The following SFI1 variants were observed in gnomAD, a reference collection of about 807,000 sequenced individuals.
SFI1 encodes the protein protein SFI1 homolog.
SFI1 carries 195 observed loss-of-function variants against 207.5 expected under a neutral mutation model. The observed-to-expected ratio is 0.94, with a 90% CI of 0.84 to 1.06. The LOEUF is 1.06. Ranked by LOEUF, SFI1 falls within the 50% of genes least tolerant of loss-of-function variation. SFI1 has a pLI of 0.00. For synonymous variants in SFI1, 630 were observed against 598.9 expected, an observed-to-expected ratio of 1.05 and a Z score of -0.76; for missense variants, 1,634 against 1,588.0, an observed-to-expected ratio of 1.03 and a Z score of -0.49.
intron 8 of SFI1, among the ~76,000 whole-genome samples, chr22:31,563,295 C>T (rs1247000110): frequency 1.3e-5 from 2 of 151,802 alleles, no homozygotes; most frequent in African/African-American, 2.4e-5. Flanking sequence ...GCCTGGCCTG[C>T]ATCATTATCA....
At chr22:31,559,586 A>G (rs2061479190) in intron 7 of SFI1, 1 of 649,300 alleles carries the variant, frequency 1.5e-6, no homozygotes, top group Non-Finnish European at 2.9e-6. Flanking sequence ...GCCATTAAGG[A>G]TGTGGGTTGA....
chr22:31,567,568 A>AG (rs58289794), intron 8 of SFI1, among the ~76,000 whole-genome samples: 3,657 of 142,974 alleles, frequency 0.026, 59 homozygotes, highest in Non-Finnish European at 0.035. Context: ...GTGTTTGTGG[A>AG]GGGGGGGGGT....
In SFI1 at chr22:31,530,753, A is replaced by G. The variant is rs1602225420; in HGVS notation, c.267-305A>G. ...CAGGCATTTGCCGGCCATTTTAGGCAGGAAGAATAATATGAACAAAAGAAT... is the reference window on the plus strand; with the variant it reads ...CAGGCATTTGCCGGCCATTTTAGGCGGGAAGAATAATATGAACAAAAGAAT... On this transcript the variant is annotated intron_variant, in intron 3 of 32. Transcript: ENST00000400288. 4.1e-5 allele frequency: 17 copies of G among 419,724 alleles called. No individual in the cohort carries two copies. The East Asian group carries it at 1.0e-3, about 26-fold the overall frequency. 26.0% of individuals were successfully genotyped at this position (419,724 alleles called of 1,614,324 possible). A position where few individuals can be genotyped will look rare whatever the true frequency, so the allele number is the denominator to read the frequency against.
intron 4 of SFI1, among the ~76,000 whole-genome samples, chr22:31,546,099 C>G (rs2060060877): frequency 6.6e-6 from 1 of 151,462 alleles, no homozygotes; most frequent in Non-Finnish European, 1.5e-5. Flanking sequence ...TCCACCATGT[C>G]ACCCAACCTG....
Position 31,526,361 on chromosome 22 carries a change from T to C in SFI1, c.93-2329T>C, listed in dbSNP as rs1039519827. On this transcript the variant is annotated intron_variant, in intron 2 of 32. Transcript: ENST00000400288. ...TTTCACATGGCGGCAGGAAAGAAAG[T>C]GCAGGGTGAAGTGGGGGAAAGCCCC... Among the ~76,000 whole-genome samples the C allele has an allele frequency of 1.5e-4, 23 of 152,004 alleles. 1 individual carries two copies. The highest frequency in any genetic ancestry group is 1.1e-3 in the Admixed American group (17 of 15,250).
chr22:31,570,315 G>A (rs2062822149), intron 8 of SFI1, among the ~76,000 whole-genome samples: 1 of 152,122 alleles, frequency 6.6e-6, no homozygotes, highest in African/African-American at 2.4e-5. Flanking sequence ...GAGATACGAA[G>A]TTTTAGCGTC....
At chr22:31,568,324 C>T (rs1055485409) in intron 8 of SFI1, among the ~76,000 whole-genome samples, 6 of 148,978 alleles carry the variant, frequency 4.0e-5, no homozygotes, top group Admixed American at 1.3e-4. Context: ...GTCAGGAGTT[C>T]GAGACTAGCC....
rs761705090 is a variant in SFI1, at chr22:31,508,294, CT to C, written c.11del (p.Leu4ArgfsTer16). 1.2e-6 allele frequency: 2 copies of C among 1,609,800 alleles called. No individual in the cohort carries two copies. Among genetic ancestry groups the C allele is most frequent in the Non-Finnish European group, 1.7e-6 (2 of 1,176,524 alleles). ...TAAAAGACTTTGATTCATGAAGAATCTGCTCACTGAGAAGTGTATATCAAGC... is the reference window on the plus strand; with the variant it reads ...TAAAAGACTTTGATTCATGAAGAATCGCTCACTGAGAAGTGTATATCAAGC... MKNLLTEKCISSHN... is the reference protein window; with the variant it reads MKNXLTEKCISSHN... On this transcript the variant is annotated frameshift_variant, in exon 2 of 33. Coordinates refer to ENST00000400288, the MANE Select transcript of SFI1 (RefSeq NM_001007467.3). LOFTEE classifies it high-confidence loss of function.
At chr22:31,563,837 T>A (rs1651482538) in intron 8 of SFI1, among the ~76,000 whole-genome samples, 1 of 151,926 alleles carries the variant, frequency 6.6e-6, no homozygotes, top group Non-Finnish European at 1.5e-5. Flanking sequence ...CACCTGCCCC[T>A]CGGCCTCCCA....
At chr22:31,519,074 G>A (rs924642865) in intron 2 of SFI1, among the ~76,000 whole-genome samples, 3 of 152,080 alleles carry the variant, frequency 2.0e-5, no homozygotes, top group Admixed American at 1.3e-4. Flanking sequence ...AGAAAAAATC[G>A]TAATGGAAGT....
At chr22:31,515,562 G>A (rs910364531) in intron 2 of SFI1, among the ~76,000 whole-genome samples, 6 of 150,924 alleles carry the variant, frequency 4.0e-5, no homozygotes, top group African/African-American at 1.5e-4. Flanking sequence ...GTGTGTGTGT[G>A]TGTGTGTAGA....
chr22:31,577,450 T>G (rs1408261326), intron 10 of SFI1, among the ~76,000 whole-genome samples: 1 of 152,126 alleles, frequency 6.6e-6, no homozygotes, highest in East Asian at 1.9e-4. Flanking sequence ...CAGGCTGGAG[T>G]GCAGTGGCTT....
intron 10 of SFI1, among the ~76,000 whole-genome samples, chr22:31,577,449 G>T (rs2063645341): frequency 6.6e-6 from 1 of 152,192 alleles, no homozygotes. Context: ...CCAGGCTGGA[G>T]TGCAGTGGCT....
chr22:31,557,181 G>A, intron 7 of SFI1, 122 bp downstream of exon 7: 1 of 687,388 alleles, frequency 1.5e-6, no homozygotes, highest in Non-Finnish European at 2.4e-6. Flanking sequence ...TTTTATTTTT[G>A]TGTTTTGTTT....
At chr22:31,521,922 C>G (rs1488669322) in intron 2 of SFI1, among the ~76,000 whole-genome samples, 1 of 151,832 alleles carries the variant, frequency 6.6e-6, no homozygotes, top group Non-Finnish European at 1.5e-5. Context: ...CGTCACCATG[C>G]TTGGCTAACT....
At position 31,613,182 on chromosome 22, in the gene SFI1, C is replaced by T. The variant is rs767116092; in HGVS notation, c.2531C>T (p.Ala844Val). Reference protein sequence around the residue: ...RRQEQRATVRALWFWAFSLQA... With the variant: ...RRQEQRATVRVLWFWAFSLQA... ...CAGGAGCAGCGGGCGACAGTGCGGG[C>T]CCTGTGGTTCTGGGCCTTCTCGCTG... is the stretch of plus-strand genomic sequence containing the variant. The change falls in exon 25 of 33, where the codon GCC (alanine) becomes GTC (valine). Residue 844 changes from alanine to valine, a missense_variant. By Grantham distance (64) the Ala-to-Val change is moderately conservative. Transcript: ENST00000400288. 118 of 1,613,696 alleles carry T rather than the reference C, an allele frequency of 7.3e-5. No homozygotes were observed. The highest frequency in any genetic ancestry group is 9.7e-5 in the Non-Finnish European group (115 of 1,180,024).
At chr22:31,573,033 C>A (rs1316348414) in intron 8 of SFI1, 25 bp from the exon 9 acceptor site, 1 of 1,610,732 alleles carries the variant, frequency 6.2e-7, no homozygotes, top group Non-Finnish European at 8.5e-7. Context: ...TCTCCTTTGA[C>A]TGTTGCCTCT....
chr22:31,589,782 A>AT (rs377108190), intron 15 of SFI1, among the ~76,000 whole-genome samples: 6,857 of 150,568 alleles, frequency 0.046, 134 homozygotes, highest in African/African-American at 0.053. Flanking sequence ...GTCCATCTTT[A>AT]TTTATTTATT....
rs1228423146 is a variant in SFI1, at chr22:31,589,393, C to G, written c.1414-54C>G. The G allele has an allele frequency of 2.1e-6, 3 of 1,450,410 alleles. No individual in the cohort carries two copies. The African/African-American group carries it at 4.3e-5, about 21-fold the overall frequency. The allele number at this position is 1,450,410 out of a possible 1,614,324, so 89.8% of individuals were successfully genotyped here. A position where few individuals can be genotyped will look rare whatever the true frequency, so the allele number is the denominator to read the frequency against. ...CCACAAGGGTGTGACCCTGAGAGGTCATGTTTAAAAAAAAAAAAGTTAAGT... is the reference window on the plus strand; with the variant it reads ...CCACAAGGGTGTGACCCTGAGAGGTGATGTTTAAAAAAAAAAAAGTTAAGT... On this transcript the variant is annotated intron_variant, in intron 14 of 32. Coordinates refer to ENST00000400288, the MANE Select transcript of SFI1 (RefSeq NM_001007467.3).
Sources: gnomAD v4.1 joint callset for allele counts (sites outside exome capture counted in the v4.1 genomes callset) on GRCh38, gnomAD v4.1.1 for gene constraint, MANE v1.5 for transcripts, NCBI Gene and HGNC (gene_info 2026-07-23, HGNC 2026-07-21) for gene names.